The following POU2F3 variants were observed in gnomAD, a reference collection of about 807,000 sequenced individuals.
POU2F3 encodes POU class 2 homeobox 3, also known as POU domain, class 2, transcription factor 3.
A neutral mutation model predicts 59.2 loss-of-function variants in POU2F3; 23 were observed. The ratio of observed to expected loss-of-function variants is 0.39; its 90% CI spans 0.28 to 0.55. POU2F3 has a LOEUF of 0.55. Among genes scored for constraint, POU2F3 ranks in the 20% least tolerant of loss-of-function variants. The pLI is 0.66. For synonymous variants in POU2F3, 190 were observed against 214.6 expected, an observed-to-expected ratio of 0.89 and a Z score of 1.00; for missense variants, 473 against 544.5, an observed-to-expected ratio of 0.87 and a Z score of 1.31.
intron 2 of POU2F3, among the ~76,000 whole-genome samples, chr11:120,260,429 C>T (rs1281436393): frequency 6.6e-6 from 1 of 152,172 alleles, no homozygotes; most frequent in Non-Finnish European, 1.5e-5. Flanking sequence ...GAGGTGGAGG[C>T]GGAGGCTGCT....
chr11:120,315,660 T>C (rs1480852930), intron 11 of POU2F3, among the ~76,000 whole-genome samples: 2 of 152,156 alleles, frequency 1.3e-5, no homozygotes, highest in South Asian at 4.1e-4. Context: ...GCAGCACTTC[T>C]AAGCACTTAG....
At chr11:120,286,831 T>G (rs1940799592) in intron 3 of POU2F3, among the ~76,000 whole-genome samples, 1 of 152,142 alleles carries the variant, frequency 6.6e-6, no homozygotes, top group Non-Finnish European at 1.5e-5. Flanking sequence ...CTTTTTTTTT[T>G]GTGAATCTTG....
chr11:120,280,552 T>C (rs1475734386), intron 3 of POU2F3, among the ~76,000 whole-genome samples: 1 of 152,186 alleles, frequency 6.6e-6, no homozygotes, highest in African/African-American at 2.4e-5. Flanking sequence ...GGAGCTCAGA[T>C]GTAAGACAGG....
chr11:120,251,229 C>T (rs1939082899), intron 2 of POU2F3, among the ~76,000 whole-genome samples: 1 of 152,220 alleles, frequency 6.6e-6, no homozygotes, highest in Non-Finnish European at 1.5e-5. Flanking sequence ...CCACCATGGC[C>T]TCCCAAAGTT....
chr11:120,317,425 G>C, intron 12 of POU2F3, 61 bp downstream of exon 12: 1 of 1,594,924 alleles, frequency 6.3e-7, no homozygotes, highest in South Asian at 1.1e-5. Flanking sequence ...GTGAGAAGCT[G>C]AGCCTATGCC....
At chr11:120,318,238 A>G in intron 12 of POU2F3, 115 bp from the exon 13 acceptor site, 2 of 921,216 alleles carry the variant, frequency 2.2e-6, no homozygotes, top group South Asian at 2.9e-5. Context: ...TAATTCCAGG[A>G]TGTTTTTATT....
intron 3 of POU2F3, among the ~76,000 whole-genome samples, chr11:120,283,518 C>T (rs1277453252): frequency 1.3e-5 from 2 of 152,090 alleles, no homozygotes; most frequent in Non-Finnish European, 2.9e-5. Context: ...CTAAAGACTT[C>T]CAAGTACCAC....
At chr11:120,283,716 C>T (rs771108970) in intron 3 of POU2F3, among the ~76,000 whole-genome samples, 20 of 151,372 alleles carry the variant, frequency 1.3e-4, no homozygotes, top group African/African-American at 3.9e-4. Context: ...AGTTCAAATG[C>T]CTCATTCTCC....
chr11:120,243,948 T>C (rs1938772206), intron 1 of POU2F3, among the ~76,000 whole-genome samples: 1 of 152,202 alleles, frequency 6.6e-6, no homozygotes, highest in Non-Finnish European at 1.5e-5. Context: ...AGACTAAATG[T>C]CAGGCTAACT....
chr11:120,302,366 C>A lies in POU2F3; in HGVS notation c.442C>A (p.Gln148Lys). Residue 148 changes from glutamine to lysine, a missense_variant and splice_region_variant, in exon 6 of 13, where the codon CAG (glutamine) becomes AAG (lysine). Coordinates refer to ENST00000543440, the MANE Select transcript of POU2F3 (RefSeq NM_014352.4). ...ACAGACTGGGCCGGGACTGGCATCC[C>A]AGGTAAACAACCCCATTCTTCCTGT... ...LPQTGPGLAS[Q>K]AFGHPGLPGS... 1 of 1,597,546 alleles carries A rather than the reference C, an allele frequency of 6.3e-7. No individual in the cohort carries two copies. The highest frequency in any genetic ancestry group is 8.6e-7 in the Non-Finnish European group (1 of 1,165,010).
intron 2 of POU2F3, chr11:120,254,689 A>G (rs1209027943): frequency 1.3e-5 from 2 of 152,462 alleles, no homozygotes; most frequent in African/African-American, 4.8e-5. Context: ...TCACCCCAAC[A>G]GGGGCTTCTG....
chr11:120,264,483 G>C (rs1939739055), intron 2 of POU2F3, among the ~76,000 whole-genome samples: 1 of 152,192 alleles, frequency 6.6e-6, no homozygotes, highest in Non-Finnish European at 1.5e-5. Context: ...CTTGAAGGGT[G>C]AGTATTTTCT....
At chr11:120,241,926 C>T (rs1320962052) in intron 1 of POU2F3, among the ~76,000 whole-genome samples, 1 of 152,092 alleles carries the variant, frequency 6.6e-6, no homozygotes, top group East Asian at 1.9e-4. Context: ...TATGCCTTCC[C>T]CAGGAGTGAG....
Position 120,288,758 on chromosome 11 carries a change from A to G in POU2F3, c.133-9507A>G, listed in dbSNP as rs985203289. Among the ~76,000 whole-genome samples the G allele has an allele frequency of 3.7e-5, 5 of 133,554 alleles. No homozygotes were observed. In the Admixed American group the frequency reaches 4.0e-4, roughly 11 times the overall value. 87.6% of individuals were successfully genotyped at this position (133,554 alleles called of 152,430 possible). ...ACACAAAATGTGGACAAAGAGATCA[A>G]TTCCAAGTAGTTGCTTTAAATATAT... is the stretch of plus-strand genomic sequence containing the variant. On this transcript the variant is annotated intron_variant, in intron 3 of 12. Coordinates refer to ENST00000543440, the MANE Select transcript of POU2F3 (RefSeq NM_014352.4).
chr11:120,298,488 G>A lies in POU2F3; in HGVS notation c.258+98G>A, dbSNP rs143929938. On this transcript the variant is annotated intron_variant, in intron 4 of 12. Transcript: ENST00000543440. ...TTGGTACTCGTCTAAAGAACCCCCT[G>A]CAGGCAATGTGGGAAAGAGATCTGG... 9.2e-5 allele frequency: 139 copies of A among 1,510,654 alleles called. No individual in the cohort carries two copies. In the East Asian group the frequency reaches 2.8e-3, roughly 31 times the overall value. 93.6% of individuals were successfully genotyped at this position (1,510,654 alleles called of 1,614,324 possible). A position where few individuals can be genotyped will look rare whatever the true frequency, so the allele number is the denominator to read the frequency against.
chr11:120,246,376 T>A (rs1938874145), intron 1 of POU2F3, 73 bp from the exon 2 acceptor site: 2 of 1,421,802 alleles, frequency 1.4e-6, no homozygotes, highest in African/African-American at 2.8e-5. Context: ...CTTTGTTATT[T>A]AGTTAAAGCC....
chr11:120,317,249 G>A lies in POU2F3; in HGVS notation c.1156G>A (p.Gly386Arg). 2 of 1,614,076 alleles carry A rather than the reference G, an allele frequency of 1.2e-6. No individual in the cohort carries two copies. Among genetic ancestry groups the A allele is most frequent in the Non-Finnish European group, 1.7e-6 (2 of 1,179,972 alleles). ...PGTVTSSCSP[G>R]NNSRPSSPGS... ...CTCAGTAACGTCATCCTGTTCCCCT[G>A]GGAACAACAGCAGGCCTTCATCTCC... Residue 386 changes from glycine to arginine, a missense_variant, in exon 12 of 13, where the codon GGG becomes AGG. Physicochemically the swap from Gly to Arg is moderately radical, Grantham distance 125. Transcript: ENST00000543440.
At chr11:120,287,235 A>G (rs1940815322) in intron 3 of POU2F3, among the ~76,000 whole-genome samples, 1 of 152,240 alleles carries the variant, frequency 6.6e-6, no homozygotes, top group Non-Finnish European at 1.5e-5. Context: ...AAGCTCTGCC[A>G]CTTAGCTATA....
In POU2F3 at chr11:120,240,328, C is replaced by T. The variant is rs1938608137; in HGVS notation, c.-16C>T. On this transcript the variant is annotated 5_prime_UTR_variant, in exon 1 of 13. Transcript: ENST00000543440. ...GGGCCTGGGGGGGCGCTGGCTTTGGCCCCGCCTGGGGCAGGATGGTGAATC... is the reference window on the plus strand; with the variant it reads ...GGGCCTGGGGGGGCGCTGGCTTTGGTCCCGCCTGGGGCAGGATGGTGAATC... The T allele has an allele frequency of 2.9e-6, 4 of 1,381,104 alleles. No individual in the cohort carries two copies. The highest frequency in any genetic ancestry group is 4.1e-5 in the South Asian group (2 of 48,990). 85.6% of individuals were successfully genotyped at this position (1,381,104 alleles called of 1,614,324 possible). A position where few individuals can be genotyped will look rare whatever the true frequency, so the allele number is the denominator to read the frequency against.
Sources: gnomAD v4.1 joint callset for allele counts (sites outside exome capture counted in the v4.1 genomes callset) on GRCh38, gnomAD v4.1.1 for gene constraint, MANE v1.5 for transcripts, NCBI Gene and HGNC (gene_info 2026-07-23, HGNC 2026-07-21) for gene names.